The following KMT2C variants were observed in gnomAD, a reference collection of about 807,000 sequenced individuals.
KMT2C encodes the protein lysine methyltransferase 2C.
Under a neutral mutation model 507.9 loss-of-function variants are expected in KMT2C, and 88 were observed. That is an observed-to-expected ratio of 0.17 (90% CI 0.15 to 0.21). The LOEUF (loss-of-function observed/expected upper bound fraction) is 0.21, where lower values mean the gene tolerates loss of function less well. Among genes scored for constraint, KMT2C ranks in the 10% least tolerant of loss-of-function variants. KMT2C has a pLI of 1.00. For synonymous variants in KMT2C, 2,049 were observed against 2,080.8 expected (o/e 0.98, Z 0.42); for missense variants, 4,954 against 5,957.8 (o/e 0.83, Z 5.55).
chr7:152,385,107 T>C (rs1400838839), intron 1 of KMT2C, among the ~76,000 whole-genome samples: 7 of 152,100 alleles, frequency 4.6e-5, no homozygotes, highest in African/African-American at 1.7e-4. Context: ...TGGTTCTAAC[T>C]ACTCATTTGG....
Position 152,155,970 on chromosome 7 carries a change from T to C in KMT2C, c.11900A>G (p.Lys3967Arg). The stretch of plus-strand genomic sequence containing the variant: ...GAGGGAGGCTGGCACATCAACTGTC[T>C]TGGGGCCCTGAGCAAGAGCTCGGGC... ...LLARALAQGPKTVDVPASLPT... is the reference protein window; with the variant it reads ...LLARALAQGPRTVDVPASLPT... The change falls in exon 46 of 59, where the codon AAG becomes AGG. Residue 3967 changes from lysine (K) to arginine (R), a missense_variant. By Grantham distance (26) the Lys-to-Arg change is conservative. Transcript: ENST00000262189. The C allele has an allele frequency of 6.2e-7, 1 of 1,611,694 alleles. No homozygotes were observed. Among genetic ancestry groups the C allele is most frequent in the Non-Finnish European group, 8.5e-7 (1 of 1,179,570 alleles).
At chr7:152,335,386 A>T (rs2096924565) in intron 2 of KMT2C, among the ~76,000 whole-genome samples, 1 of 152,224 alleles carries the variant, frequency 6.6e-6, no homozygotes, top group Admixed American at 6.5e-5. Flanking sequence ...AAGAAAGGGG[A>T]AGAGAAAAAT....
chr7:152,382,414 A>G (rs912279192), intron 1 of KMT2C, among the ~76,000 whole-genome samples: 11 of 152,022 alleles, frequency 7.2e-5, no homozygotes, highest in African/African-American at 2.4e-4. Context: ...CATCTTTTCA[A>G]AAACCCAAAC....
chr7:152,151,655 C>T, intron 49 of KMT2C, 74 bp from the exon 50 acceptor site: 1 of 1,235,792 alleles, frequency 8.1e-7, no homozygotes, highest in Non-Finnish European at 1.2e-6. Flanking sequence ...AAAAATTATG[C>T]AGTATCAACT....
At chr7:152,299,219 G>A (rs947143547) in intron 6 of KMT2C, among the ~76,000 whole-genome samples, 1 of 152,010 alleles carries the variant, frequency 6.6e-6, no homozygotes, top group African/African-American at 2.4e-5. Context: ...TCAGGAGACT[G>A]AGGCAGGAGA....
intron 1 of KMT2C, among the ~76,000 whole-genome samples, chr7:152,408,059 G>A (rs938761246): frequency 6.6e-6 from 1 of 151,816 alleles, no homozygotes; most frequent in African/African-American, 2.4e-5. Context: ...GGAGGCCGAG[G>A]TGGGCAGATC....
intron 2 of KMT2C, among the ~76,000 whole-genome samples, chr7:152,336,365 A>C (rs186793221): frequency 9.5e-4 from 145 of 152,254 alleles, no homozygotes; most frequent in African/African-American, 3.1e-3. Flanking sequence ...CTCTTCTCCT[A>C]ATCCTAGTCT....
Position 152,167,135 on chromosome 7 carries a change from C to T in KMT2C, c.9750+11G>A. 6.2e-7 allele frequency: 1 copy of T among 1,603,956 alleles called. No individual in the cohort carries two copies. The highest frequency in any genetic ancestry group is 8.5e-7 in the Non-Finnish European group (1 of 1,171,594). On this transcript the variant is annotated intron_variant, in intron 42 of 58. Coordinates refer to ENST00000262189, the MANE Select transcript of KMT2C (RefSeq NM_170606.3). ...TGTTGGTAGTTTCTATTTTGCAAACCTATTTATTACCTGTTCTAGCTGTTT... is the reference window on the plus strand; with the variant it reads ...TGTTGGTAGTTTCTATTTTGCAAACTTATTTATTACCTGTTCTAGCTGTTT...
chr7:152,418,538 C>G (rs1343466600), intron 1 of KMT2C, among the ~76,000 whole-genome samples: 2 of 152,098 alleles, frequency 1.3e-5, no homozygotes, highest in Non-Finnish European at 2.9e-5. Flanking sequence ...TCCAGCGATT[C>G]TCCTGCCTCA....
At chr7:152,288,205 A>C (rs2129184549) in intron 6 of KMT2C, among the ~76,000 whole-genome samples, 1 of 150,294 alleles carries the variant, frequency 6.7e-6, no homozygotes, top group South Asian at 2.1e-4. Context: ...CCCAACCTAA[A>C]CAAGAGAAGA....
intron 41 of KMT2C, 140 bp from the exon 42 acceptor site, chr7:152,167,518 C>CATAA: frequency 1.7e-6 from 1 of 598,534 alleles, no homozygotes; most frequent in Non-Finnish European, 2.9e-6. Context: ...AAATATTAGA[C>CATAA]GATTATGTAA....
chr7:152,150,571 G>A (rs1176030268), intron 51 of KMT2C, among the ~76,000 whole-genome samples: 7 of 152,078 alleles, frequency 4.6e-5, no homozygotes, highest in Admixed American at 3.9e-4. Context: ...GCCAAGAGGT[G>A]CCAATGCCCT....
rs185325624 is a variant in KMT2C at position 152,170,629 on chromosome 7, A to C, written c.9453+635T>G. Among the ~76,000 whole-genome samples the C allele has an allele frequency of 2.3e-3, 350 of 152,208 alleles. 9 individuals carry two copies. The highest frequency in any genetic ancestry group is 0.021 in the Admixed American group (317 of 15,280). ...GCGATTCTCCTGCCTCAGTCTCCCA[A>C]GTAGCTGGGACTATAGGTGTGCGCC... is the stretch of plus-strand genomic sequence containing the variant. On this transcript the variant is annotated intron_variant, in intron 40 of 58. Transcript: ENST00000262189.
intron 23 of KMT2C, among the ~76,000 whole-genome samples, chr7:152,209,871 T>C (rs1441971097): frequency 6.6e-6 from 1 of 151,490 alleles, no homozygotes; most frequent in Non-Finnish European, 1.5e-5. Context: ...GCTGAGAAAC[T>C]AGGAAAACTG....
intron 1 of KMT2C, among the ~76,000 whole-genome samples, chr7:152,387,808 T>C (rs1006037960): frequency 6.6e-6 from 1 of 152,100 alleles, no homozygotes; most frequent in Non-Finnish European, 1.5e-5. Flanking sequence ...TATGCCTATG[T>C]CTGTATTTTT....
chr7:152,409,786 G>C (rs2097662527), intron 1 of KMT2C, among the ~76,000 whole-genome samples: 1 of 152,234 alleles, frequency 6.6e-6, no homozygotes. Context: ...TAAGTGACCA[G>C]AGGTTTTATT....
At chr7:152,183,780 C>A (rs1469630563) in intron 34 of KMT2C, among the ~76,000 whole-genome samples, 2 of 152,170 alleles carry the variant, frequency 1.3e-5, no homozygotes, top group African/African-American at 4.8e-5. Flanking sequence ...CCTGTAATCC[C>A]AGCTACTCGG....
chr7:152,383,118 C>T (rs1408546526), intron 1 of KMT2C, among the ~76,000 whole-genome samples: 12 of 152,230 alleles, frequency 7.9e-5, no homozygotes, highest in African/African-American at 2.9e-4. Context: ...ATATTTTCCA[C>T]ACATCTATAT....
intron 37 of KMT2C, 31 bp from the exon 38 acceptor site, chr7:152,178,041 A>AAAAAAAAAAGC (rs759074589): frequency 3.8e-5 from 48 of 1,276,174 alleles, no homozygotes; most frequent in Admixed American, 5.9e-5. Context: ...AAAAAAAAAA[A>AAAAAAAAAAGC]AGCAAATAGG....
Sources: allele counts gnomAD v4.1 joint callset (sites outside exome capture counted in the v4.1 genomes callset), GRCh38; gene constraint gnomAD v4.1.1; transcripts MANE v1.5; gene names NCBI Gene and HGNC (gene_info 2026-07-23, HGNC 2026-07-21).